Variants in ASH1L observed in about 807,000 individuals in gnomAD.
The protein encoded by ASH1L is ASH1 like histone lysine methyltransferase.
Under a neutral mutation model 269.0 loss-of-function variants are expected in ASH1L, and 23 were observed. The ratio of observed to expected loss-of-function variants is 0.09; its 90% CI spans 0.06 to 0.12. ASH1L has a LOEUF of 0.12. Ranked by LOEUF, ASH1L falls within the 10% of genes least tolerant of loss-of-function variation. The pLI is 1.00. For missense variants in ASH1L, 2,912 were observed against 3,567.8 expected, an observed-to-expected ratio of 0.82 and a Z score of 4.68; for synonymous variants, 1,187 against 1,253.5, an observed-to-expected ratio of 0.95 and a Z score of 1.12.
At position 155,337,597 on chromosome 1, in the gene ASH1L, C is replaced by T. The variant is rs749244880; in HGVS notation, c.*63G>A. On this transcript the variant is annotated 3_prime_UTR_variant, in exon 28 of 28. Coordinates refer to ENST00000392403, the MANE Select transcript of ASH1L (RefSeq NM_018489.3). ...CCCACCCCTGTCTATACCCAGAGAG[C>T]AGGAGGCAGGACTGATTAGCTCCAC... The T allele has an allele frequency of 3.0e-5, 42 of 1,378,818 alleles. No homozygotes were observed. In the East Asian group the frequency reaches 9.6e-4, roughly 32 times the overall value. The allele number at this position is 1,378,818 out of a possible 1,614,324, so 85.4% of individuals were successfully genotyped here.
chr1:155,474,617 C>A (rs889115553), intron 3 of ASH1L, among the ~76,000 whole-genome samples: 15 of 152,156 alleles, frequency 9.9e-5, no homozygotes, highest in Admixed American at 9.8e-4. Context: ...TGGAAAATGG[C>A]TTGAGCCCAG....
At chr1:155,350,241 G>A (rs867540449) in intron 17 of ASH1L, among the ~76,000 whole-genome samples, 10 of 151,816 alleles carry the variant, frequency 6.6e-5, no homozygotes, top group Middle Eastern at 3.2e-3. Context: ...GGATAGTCTC[G>A]AACTCCTGAC....
chr1:155,357,369 G>A lies in ASH1L; in HGVS notation c.7002C>T (p.Thr2334=). 6.2e-7 allele frequency: 1 copy of A among 1,613,704 alleles called. No homozygotes were observed. The highest frequency in any genetic ancestry group is 8.5e-7 in the Non-Finnish European group (1 of 1,179,958). Residue 2334 remains threonine (T), a synonymous_variant, in exon 15 of 28, where the codon ACC becomes ACT. Transcript: ENST00000392403. ...LSEEPSENIN[T]PTRLTPQLQM... ...GTAATTGGGGGGTCAATCTAGTTGG[G>A]GTGTTGATATTTTCACTGGGTTCCT...
chr1:155,448,953 T>A (rs891322592), intron 4 of ASH1L, among the ~76,000 whole-genome samples: 4 of 151,708 alleles, frequency 2.6e-5, no homozygotes, highest in Admixed American at 6.6e-5. Context: ...TTTTTTTTTT[T>A]AAACGGAGTC....
chr1:155,399,554 G>A (rs951511439), intron 6 of ASH1L, among the ~76,000 whole-genome samples: 1 of 151,802 alleles, frequency 6.6e-6, no homozygotes, highest in African/African-American at 2.4e-5. Flanking sequence ...CATGAGAACT[G>A]CTTGAACACA....
intron 2 of ASH1L, among the ~76,000 whole-genome samples, chr1:155,492,033 CTTTTTTTT>C (rs747132753): frequency 0.013 from 1,494 of 111,936 alleles, 39 homozygotes; most frequent in African/African-American, 0.047. Context: ...GTTTTGTTTA[CTTTTTTTT>C]TTTTTTTTTT....
intron 4 of ASH1L, among the ~76,000 whole-genome samples, chr1:155,456,395 G>A (rs1481333564): frequency 6.6e-6 from 1 of 151,992 alleles, no homozygotes; most frequent in Non-Finnish European, 1.5e-5. Flanking sequence ...CTTTCTGATC[G>A]AACTCTTCTT....
chr1:155,412,396 C>T (rs1426871947), intron 6 of ASH1L, among the ~76,000 whole-genome samples: 3 of 151,828 alleles, frequency 2.0e-5, no homozygotes, highest in South Asian at 4.2e-4. Flanking sequence ...TTGACAAGAG[C>T]GAAACCCCAT....
chr1:155,534,739 G>A (rs1434268796), intron 1 of ASH1L, among the ~76,000 whole-genome samples: 2 of 152,176 alleles, frequency 1.3e-5, no homozygotes, highest in Non-Finnish European at 2.9e-5. Context: ...GAGGGAGGCA[G>A]TGTAACAACA....
chr1:155,562,443 G>A lies in ASH1L; in HGVS notation c.-390C>T, dbSNP rs550620960. The A allele has an allele frequency of 4.1e-6, 6 of 1,450,672 alleles. No homozygotes were observed. Among genetic ancestry groups the A allele is most frequent in the African/African-American group, 2.8e-5 (2 of 71,144 alleles). 89.9% of individuals were successfully genotyped at this position (1,450,672 alleles called of 1,614,324 possible). A position where few individuals can be genotyped will look rare whatever the true frequency, so the allele number is the denominator to read the frequency against. On this transcript the variant is annotated 5_prime_UTR_variant, in exon 1 of 28. Coordinates refer to ENST00000392403, the MANE Select transcript of ASH1L (RefSeq NM_018489.3). The stretch of plus-strand genomic sequence containing the variant: ...CGGCGGGAGCGGCGGCGGCGGCGGC[G>A]GCAGCAGCAGAGTGGCGGCGGTGGC...
At chr1:155,419,065 A>G (rs1660455552) in intron 5 of ASH1L, among the ~76,000 whole-genome samples, 1 of 151,756 alleles carries the variant, frequency 6.6e-6, no homozygotes. Flanking sequence ...TAAATAAATT[A>G]ATTAATTAAA....
At chr1:155,357,129 G>A (rs1368992809) in intron 15 of ASH1L, among the ~76,000 whole-genome samples, 187 bp downstream of exon 15, 24 of 6,176 alleles carry the variant, frequency 3.9e-3, no homozygotes, top group South Asian at 0.017. Context: ...AAAAGGGTAA[G>A]ACTTAAAAAA....
chr1:155,395,326 A>G (rs1658255601), intron 7 of ASH1L, 133 bp downstream of exon 7: 2 of 647,324 alleles, frequency 3.1e-6, no homozygotes, highest in Non-Finnish European at 5.0e-6. Context: ...GAGTAAGTTT[A>G]AGTAAAATGG....
intron 6 of ASH1L, chr1:155,396,161 CT>C (rs1658322770): frequency 6.6e-6 from 1 of 150,966 alleles, no homozygotes; most frequent in Admixed American, 6.6e-5. Context: ...GGTTTGTTTC[CT>C]AAAGTTTAAA....
chr1:155,411,590 T>TAAATATATATATATATATATATAA (rs1558075695), intron 6 of ASH1L, among the ~76,000 whole-genome samples: 1 of 18,168 alleles, frequency 5.5e-5, no homozygotes, highest in Non-Finnish European at 1.6e-4. Flanking sequence ...TAAATAAATA[T>TAAATATATATATATATATATATAA]ATATATATAT....
chr1:155,352,761 T>C lies in ASH1L; in HGVS notation c.7311A>G (p.Ala2437=), dbSNP rs1654046393. Residue 2437 remains alanine, a synonymous_variant, in exon 17 of 28, where the codon GCA becomes GCG. Transcript: ENST00000392403. ...AAEENIEVAR[A]ARLAQIFKEI... is the part of the protein sequence containing the mutation. ...CTTTGAAGATCTGGGCTAGGCGGGC[T>C]GCCCGAGCCACTTCAATATTTTCCT... 6.2e-7 allele frequency: 1 copy of C among 1,614,034 alleles called. No individual in the cohort carries two copies. Among genetic ancestry groups the C allele is most frequent in the Non-Finnish European group, 8.5e-7 (1 of 1,179,986 alleles).
chr1:155,382,264 C>T (rs952467764), intron 7 of ASH1L, among the ~76,000 whole-genome samples: 7 of 151,468 alleles, frequency 4.6e-5, no homozygotes, highest in African/African-American at 7.3e-5. Context: ...TTTGGGAGGC[C>T]GAGGTGGGCA....
chr1:155,449,319 A>G (rs1265980182), intron 4 of ASH1L, among the ~76,000 whole-genome samples: 1 of 152,132 alleles, frequency 6.6e-6, no homozygotes. Flanking sequence ...ATTATTTAGA[A>G]GTGTGTTATT....
At chr1:155,379,532 G>GA (rs1656756208) in intron 8 of ASH1L, among the ~76,000 whole-genome samples, 2 of 152,184 alleles carry the variant, frequency 1.3e-5, no homozygotes, top group South Asian at 2.1e-4. Flanking sequence ...GGAAGCAAGA[G>GA]AAAAAACACG....
Sources: allele counts gnomAD v4.1 joint callset (sites outside exome capture counted in the v4.1 genomes callset), GRCh38; gene constraint gnomAD v4.1.1; transcripts MANE v1.5; gene names NCBI Gene and HGNC (gene_info 2026-07-23, HGNC 2026-07-21).